ROBO2: variants seen among roughly 807,000 people sequenced by gnomAD.
ROBO2 encodes roundabout guidance receptor 2.
In ROBO2, 53 loss-of-function variants were observed where a neutral mutation model predicts 160.8. That is an observed-to-expected ratio of 0.33 (90% CI 0.26 to 0.41). The LOEUF is 0.41. ROBO2 is among the 10% of genes least tolerant of loss of function. The probability of loss-of-function intolerance (pLI) is 1.00; values close to 1 mark genes in which losing one functional copy is unlikely to be tolerated. For missense variants in ROBO2, 1,577 were observed against 1,722.4 expected (o/e 0.92, Z 1.49); for synonymous variants, 664 against 611.7 (o/e 1.09, Z -1.26).
At chr3:77,484,532 C>G (rs1035278063) in intron 4 of ROBO2, among the ~76,000 whole-genome samples, 1 of 151,704 alleles carries the variant, frequency 6.6e-6, no homozygotes, top group Admixed American at 6.6e-5. Context: ...CACACACACA[C>G]ACACACACAC....
At chr3:77,403,070 C>T (rs1016861398) in intron 2 of ROBO2, among the ~76,000 whole-genome samples, 4 of 152,040 alleles carry the variant, frequency 2.6e-5, no homozygotes, top group Admixed American at 2.6e-4. Context: ...CAATGATAGA[C>T]CAAACATTTT....
intron 1 of ROBO2, chr3:75,937,474 T>C: frequency 1.1e-5 from 16 of 1,486,116 alleles, no homozygotes; most frequent in Non-Finnish European, 1.4e-5. Flanking sequence ...CCCCACTCAA[T>C]ATGCAGAGTT....
At chr3:76,567,363 C>A (rs943603338) in intron 2 of ROBO2, among the ~76,000 whole-genome samples, 1 of 151,766 alleles carries the variant, frequency 6.6e-6, no homozygotes, top group Non-Finnish European at 1.5e-5. Context: ...CTTTTCAATG[C>A]CGTTTAATAC....
chr3:77,034,972 A>G (rs1024372762), upstream of ROBO2, among the ~76,000 whole-genome samples: 7 of 151,936 alleles, frequency 4.6e-5, no homozygotes, highest in African/African-American at 1.4e-4. Context: ...TAATAACTTG[A>G]TATCAGTAAC....
chr3:77,448,587 C>A (rs1370352612), intron 2 of ROBO2, among the ~76,000 whole-genome samples: 3 of 147,920 alleles, frequency 2.0e-5, no homozygotes, highest in Non-Finnish European at 3.0e-5. Flanking sequence ...ATGGATACAC[C>A]TTTTATTATG....
rs188412986 is a variant in ROBO2 at position 76,220,900 on chromosome 3, C to G, written c.109+283298C>G. 3.5e-3 allele frequency among the ~76,000 whole-genome samples: 531 copies of G among 152,256 alleles called. 6 individuals carry two copies. The highest frequency in any genetic ancestry group is 0.012 in the African/African-American group (495 of 41,540). On this transcript the variant is annotated intron_variant, in intron 2 of 26. Transcript: ENST00000487694. ...CATTCTGTATTTCCTTTCTCTTTAG[C>G]AAGAACTTCCACTGGTTGTAGAACT...
intron 2 of ROBO2, among the ~76,000 whole-genome samples, chr3:76,384,245 AATCT>A (rs1371604178): frequency 6.6e-6 from 1 of 152,148 alleles, no homozygotes; most frequent in African/African-American, 2.4e-5. Flanking sequence ...GAGAAATGTT[AATCT>A]ATTTCTTGAT....
chr3:76,717,857 T>G (rs2093406634), intron 2 of ROBO2, among the ~76,000 whole-genome samples: 1 of 152,186 alleles, frequency 6.6e-6, no homozygotes, highest in African/African-American at 2.4e-5. Context: ...CACAAAATTA[T>G]TTTTTAATCT....
At chr3:76,005,685 G>A (rs915197641) in intron 2 of ROBO2, among the ~76,000 whole-genome samples, 1 of 152,052 alleles carries the variant, frequency 6.6e-6, no homozygotes, top group Non-Finnish European at 1.5e-5. Context: ...GCTAATAAGT[G>A]TTTCCAGAGT....
At chr3:77,185,815 A>G (rs534004243) in intron 2 of ROBO2, among the ~76,000 whole-genome samples, 7 of 151,848 alleles carry the variant, frequency 4.6e-5, no homozygotes, top group African/African-American at 1.4e-4. Flanking sequence ...ACATATATAT[A>G]TATGTATATA....
chr3:77,381,595 G>C (rs1305114078), intron 2 of ROBO2, among the ~76,000 whole-genome samples: 1 of 152,140 alleles, frequency 6.6e-6, no homozygotes, highest in African/African-American at 2.4e-5. Flanking sequence ...GACATTTGCA[G>C]TTCCCTTGAG....
intron 2 of ROBO2, among the ~76,000 whole-genome samples, chr3:75,963,262 A>G (rs571406069): frequency 6.5e-4 from 98 of 151,860 alleles, no homozygotes; most frequent in African/African-American, 2.1e-3. Flanking sequence ...ATTATGGCTC[A>G]CTGTAGTCTT....
chr3:76,127,504 G>A (rs1161745154), intron 2 of ROBO2, among the ~76,000 whole-genome samples: 3 of 151,618 alleles, frequency 2.0e-5, no homozygotes, highest in Non-Finnish European at 2.9e-5. Context: ...TTTTATGTCT[G>A]TGATATAGTT....
At chr3:76,653,973 G>C (rs1054356623) in intron 2 of ROBO2, among the ~76,000 whole-genome samples, 1 of 152,102 alleles carries the variant, frequency 6.6e-6, no homozygotes, top group Non-Finnish European at 1.5e-5. Context: ...TAGAGGCAAG[G>C]CTTCCAAACT....
At chr3:77,068,963 G>A (rs1208094311) in intron 1 of ROBO2, among the ~76,000 whole-genome samples, 1 of 152,016 alleles carries the variant, frequency 6.6e-6, no homozygotes, top group East Asian at 1.9e-4. Context: ...ATTTTTATTC[G>A]GTTGAATTTT....
rs764579514 is a variant in ROBO2, at chr3:77,562,735, G to C, written c.1519+3G>C. ...GAGTGCAGTGCTGGATGTGACAGGT[G>C]AGGACTTTGTGAATTAGGAGAAATC... On this transcript the variant is annotated splice_donor_region_variant and intron_variant, in intron 10 of 25. Coordinates refer to ENST00000461745, the Ensembl canonical transcript of ROBO2. The C allele has an allele frequency of 6.2e-7, 1 of 1,608,688 alleles. No individual in the cohort carries two copies. The highest frequency in any genetic ancestry group is 8.5e-7 in the Non-Finnish European group (1 of 1,175,630).
intron 2 of ROBO2, among the ~76,000 whole-genome samples, chr3:76,309,671 A>G (rs868176020): frequency 3.9e-5 from 6 of 152,206 alleles, no homozygotes; most frequent in African/African-American, 7.2e-5. Context: ...TTTAAAATAC[A>G]TAAGTGCATA....
chr3:76,565,494 T>A (rs1166702195), intron 2 of ROBO2, among the ~76,000 whole-genome samples: 1 of 152,228 alleles, frequency 6.6e-6, no homozygotes, highest in South Asian at 2.1e-4. Flanking sequence ...TAAAACTGTC[T>A]GTCGTACCTA....
intron 2 of ROBO2, among the ~76,000 whole-genome samples, chr3:76,660,054 C>T (rs1012504947): frequency 1.3e-5 from 2 of 152,148 alleles, no homozygotes; most frequent in African/African-American, 4.8e-5. Flanking sequence ...AAATTTGTTA[C>T]TTGCCATTAA....
Sources: gnomAD v4.1 joint callset for allele counts (sites outside exome capture counted in the v4.1 genomes callset) on GRCh38, gnomAD v4.1.1 for gene constraint, MANE v1.5 for transcripts, NCBI Gene and HGNC (gene_info 2026-07-23, HGNC 2026-07-21) for gene names.